Variants in PRKN observed in about 807,000 individuals in gnomAD.
PRKN encodes parkin RBR E3 ubiquitin protein ligase.
In PRKN, 56 loss-of-function variants were observed where a neutral mutation model predicts 59.5. That is an observed-to-expected ratio of 0.94 (90% CI 0.76 to 1.18). PRKN has a LOEUF of 1.18. Ranked by LOEUF, PRKN falls within the 50% of genes most tolerant of loss-of-function variation. PRKN has a pLI of 0.00. For synonymous variants in PRKN, 250 were observed against 222.1 expected (o/e 1.13, Z -1.12); for missense variants, 657 against 596.4 (o/e 1.10, Z -1.06).
At chr6:162,671,925 C>T (rs925023240) in intron 1 of PRKN, among the ~76,000 whole-genome samples, 2 of 151,856 alleles carry the variant, frequency 1.3e-5, no homozygotes, top group Admixed American at 1.3e-4. Flanking sequence ...AGACAGGTGA[C>T]GGAGGCAGAC....
At chr6:161,504,482 T>C (rs1262904981) in intron 9 of PRKN, among the ~76,000 whole-genome samples, 1 of 151,766 alleles carries the variant, frequency 6.6e-6, no homozygotes, top group Non-Finnish European at 1.5e-5. Context: ...AAGTCAGGAG[T>C]TGTTGCAGGG....
chr6:161,962,962 T>C (rs1439016907), intron 6 of PRKN, among the ~76,000 whole-genome samples: 2 of 151,956 alleles, frequency 1.3e-5, no homozygotes, highest in Admixed American at 1.3e-4. Flanking sequence ...CTGGCCAACA[T>C]GGCGAAACCC....
At chr6:162,228,359 C>T (rs539535161) in intron 3 of PRKN, among the ~76,000 whole-genome samples, 1 of 152,154 alleles carries the variant, frequency 6.6e-6, no homozygotes, top group South Asian at 2.1e-4. Context: ...AAGTGGGTCC[C>T]CGATGTTACA....
chr6:162,685,271 G>A (rs1171408954), intron 1 of PRKN, among the ~76,000 whole-genome samples: 3 of 152,094 alleles, frequency 2.0e-5, no homozygotes, highest in East Asian at 1.9e-4. Context: ...AGCACAGCTG[G>A]TCATGAAGAC....
At chr6:161,491,488 C>G (rs1185995642) in intron 9 of PRKN, among the ~76,000 whole-genome samples, 1 of 152,076 alleles carries the variant, frequency 6.6e-6, no homozygotes, top group Admixed American at 6.5e-5. Context: ...ACTTACAAAG[C>G]TTGTGATTTG....
intron 7 of PRKN, among the ~76,000 whole-genome samples, chr6:161,631,858 C>T (rs940147823): frequency 1.3e-5 from 2 of 152,096 alleles, no homozygotes; most frequent in African/African-American, 4.8e-5. Flanking sequence ...TAAACACAGC[C>T]ACTGAAATAA....
intron 6 of PRKN, among the ~76,000 whole-genome samples, chr6:161,948,596 C>G (rs1038194590): frequency 4.6e-5 from 7 of 152,164 alleles, no homozygotes; most frequent in African/African-American, 1.7e-4. Context: ...AGGAACTGTT[C>G]TCTGTGGAAA....
intron 5 of PRKN, among the ~76,000 whole-genome samples, chr6:161,998,155 C>T (rs1264529471): frequency 1.3e-5 from 2 of 152,024 alleles, no homozygotes. Context: ...TGAGATTTCC[C>T]ATCTAAGATT....
At chr6:162,034,147 G>A (rs1172511225) in intron 5 of PRKN, among the ~76,000 whole-genome samples, 5 of 149,466 alleles carry the variant, frequency 3.3e-5, no homozygotes, top group Non-Finnish European at 7.4e-5. Flanking sequence ...TCAATTGTGT[G>A]TGTGTGTGTG....
chr6:162,517,689 C>T (rs936563926), intron 1 of PRKN, among the ~76,000 whole-genome samples: 2 of 152,110 alleles, frequency 1.3e-5, no homozygotes. Flanking sequence ...TGGCAAGCAC[C>T]ATGCCTACTA....
At chr6:161,834,278 C>T (rs1350461914) in intron 6 of PRKN, among the ~76,000 whole-genome samples, 2 of 152,102 alleles carry the variant, frequency 1.3e-5, no homozygotes, top group Admixed American at 6.6e-5. Flanking sequence ...TAATCCCCCT[C>T]CAGAAAGGCA....
chr6:161,927,577 C>T (rs928805042), intron 6 of PRKN, among the ~76,000 whole-genome samples: 6 of 151,902 alleles, frequency 3.9e-5, no homozygotes, highest in South Asian at 2.1e-4. Context: ...GACATTTTTA[C>T]GACTGAAATT....
At chr6:162,095,574 A>G (rs922430799) in intron 4 of PRKN, among the ~76,000 whole-genome samples, 1 of 152,198 alleles carries the variant, frequency 6.6e-6, no homozygotes, top group Non-Finnish European at 1.5e-5. Context: ...AATGAATTTT[A>G]TATTTTTACA....
chr6:162,672,685 AGT>A (rs56722608), intron 1 of PRKN, among the ~76,000 whole-genome samples: 3,658 of 149,124 alleles, frequency 0.025, 69 homozygotes, highest in African/African-American at 0.063. Flanking sequence ...TTGGGGGAAA[AGT>A]GTGTGTGTGT....
chr6:161,500,208 C>T (rs1777906614), intron 9 of PRKN, among the ~76,000 whole-genome samples: 1 of 152,076 alleles, frequency 6.6e-6, no homozygotes, highest in African/African-American at 2.4e-5. Flanking sequence ...GTACAGAGAG[C>T]TCCCCTCTCC....
At chr6:162,076,885 T>A (rs554370957) in intron 4 of PRKN, among the ~76,000 whole-genome samples, 2 of 152,268 alleles carry the variant, frequency 1.3e-5, no homozygotes, top group South Asian at 4.1e-4. Context: ...CTTTCTTAAC[T>A]TTTTGACATA....
At chr6:162,627,133 GTAAC>G (rs1049395762) in intron 1 of PRKN, among the ~76,000 whole-genome samples, 1 of 152,160 alleles carries the variant, frequency 6.6e-6, no homozygotes, top group Non-Finnish European at 1.5e-5. Flanking sequence ...CAAGGAGGGA[GTAAC>G]TAACTATGCC....
intron 3 of PRKN, among the ~76,000 whole-genome samples, chr6:162,234,300 G>A (rs778595198): frequency 6.6e-6 from 1 of 152,180 alleles, no homozygotes; most frequent in Non-Finnish European, 1.5e-5. Flanking sequence ...AGTGGAGCCA[G>A]GCCCCAGTGA....
chr6:161,901,072 C>T lies in PRKN; in HGVS notation c.734+72230G>A, dbSNP rs924508113. On this transcript the variant is annotated intron_variant, in intron 6 of 11. Coordinates refer to ENST00000366898, the MANE Select transcript of PRKN (RefSeq NM_004562.3). ...CTGGCACTACAGGCACATGCCAGGA[C>T]GCCCGGCTAATTTTTTTGTATTTTT... is the stretch of plus-strand genomic sequence containing the variant. 4.6e-5 allele frequency among the ~76,000 whole-genome samples: 7 copies of T among 151,448 alleles called. No individual in the cohort carries two copies. The East Asian group carries it at 7.8e-4, about 17-fold the overall frequency.
Sources: gnomAD v4.1 joint callset for allele counts (sites outside exome capture counted in the v4.1 genomes callset) on GRCh38, gnomAD v4.1.1 for gene constraint, MANE v1.5 for transcripts, NCBI Gene and HGNC (gene_info 2026-07-23, HGNC 2026-07-21) for gene names.